SLCO1B3: variants seen among roughly 807,000 people sequenced by gnomAD.
SLCO1B3 encodes the protein solute carrier organic anion transporter family member 1B3.
Under a neutral mutation model 71.8 loss-of-function variants are expected in SLCO1B3, and 72 were observed. The ratio of observed to expected loss-of-function variants is 1.00; its 90% CI spans 0.83 to 1.22. SLCO1B3 has a LOEUF of 1.22. Ranked by LOEUF, SLCO1B3 falls within the 50% of genes most tolerant of loss-of-function variation. The pLI is 0.00. For missense variants in SLCO1B3, 911 were observed against 819.7 expected (o/e 1.11, Z -1.36); for synonymous variants, 298 against 278.4 (o/e 1.07, Z -0.70).
intron 15 of SLCO1B3, among the ~76,000 whole-genome samples, chr12:20,913,437 C>G (rs1866426477): frequency 6.6e-6 from 1 of 152,130 alleles, no homozygotes; most frequent in Admixed American, 6.5e-5. Context: ...CTATCATTTT[C>G]TCCTCACATA....
At chr12:20,819,061 G>A (rs1156411078) in intron 3 of SLCO1B3, among the ~76,000 whole-genome samples, 1 of 151,248 alleles carries the variant, frequency 6.6e-6, no homozygotes, top group African/African-American at 2.4e-5. Context: ...TTGTGATTTT[G>A]AGGGCCTCTA....
chr12:20,860,707 A>T (rs2417942), intron 5 of SLCO1B3, among the ~76,000 whole-genome samples: 15,769 of 150,656 alleles, frequency 0.1, 1,162 homozygotes, highest in Middle Eastern at 0.22. Flanking sequence ...CATAGTTAAC[A>T]GATAAAAAAA....
intron 3 of SLCO1B3, among the ~76,000 whole-genome samples, chr12:20,831,399 T>C (rs1864539248): frequency 7.0e-6 from 1 of 142,622 alleles, no homozygotes; most frequent in Non-Finnish European, 1.5e-5. Context: ...AATGTTTGAA[T>C]AAGGTTAACA....
chr12:20,900,643 T>A (rs938130490), intron 14 of SLCO1B3, among the ~76,000 whole-genome samples: 1 of 152,140 alleles, frequency 6.6e-6, no homozygotes, highest in Non-Finnish European at 1.5e-5. Context: ...AAACAAAATT[T>A]AGCAACGGAG....
intron 3 of SLCO1B3, among the ~76,000 whole-genome samples, chr12:20,844,856 C>T (rs1864880612): frequency 1.3e-5 from 2 of 151,886 alleles, no homozygotes; most frequent in African/African-American, 4.8e-5. Context: ...ATGGTGAAAC[C>T]ACATCTCTAT....
intron 1 of SLCO1B3, among the ~76,000 whole-genome samples, chr12:20,813,162 ATT>A (rs1485856388): frequency 6.6e-6 from 1 of 152,126 alleles, no homozygotes; most frequent in Non-Finnish European, 1.5e-5. Flanking sequence ...TCAGATATTG[ATT>A]TTTCCATATT....
At chr12:20,909,252 G>A (rs766502270) in intron 15 of SLCO1B3, among the ~76,000 whole-genome samples, 1 of 145,648 alleles carries the variant, frequency 6.9e-6, no homozygotes, top group Non-Finnish European at 1.5e-5. Context: ...TGCAAGCTAC[G>A]CCTCCCAGGT....
At chr12:20,819,182 G>A (rs1864246175) in intron 3 of SLCO1B3, among the ~76,000 whole-genome samples, 1 of 152,174 alleles carries the variant, frequency 6.6e-6, no homozygotes, top group African/African-American at 2.4e-5. Context: ...TGGCTCTTGT[G>A]TAAGAATTCT....
intron 9 of SLCO1B3, among the ~76,000 whole-genome samples, chr12:20,877,338 GA>G (rs908478369): frequency 3.3e-5 from 5 of 151,700 alleles, no homozygotes; most frequent in East Asian, 3.9e-4. Context: ...CCTATAGTCA[GA>G]AAAAAAATTA....
At chr12:20,812,501 G>A (rs1404509162) in intron 1 of SLCO1B3, among the ~76,000 whole-genome samples, 3 of 152,156 alleles carry the variant, frequency 2.0e-5, no homozygotes, top group Non-Finnish European at 4.4e-5. Flanking sequence ...TCCAGGAATG[G>A]AAGACATATA....
At chr12:20,913,581 T>C (rs1399400071) in intron 15 of SLCO1B3, among the ~76,000 whole-genome samples, 1 of 152,206 alleles carries the variant, frequency 6.6e-6, no homozygotes, top group Non-Finnish European at 1.5e-5. Flanking sequence ...CTTTGAAGTC[T>C]GCTCTGTTTG....
intron 13 of SLCO1B3, among the ~76,000 whole-genome samples, chr12:20,885,758 A>G (rs1865782500): frequency 6.6e-6 from 1 of 151,958 alleles, no homozygotes; most frequent in Non-Finnish European, 1.5e-5. Flanking sequence ...AAAGAGAGGT[A>G]CGAAGTACAA....
Position 20,879,554 on chromosome 12 carries a change from C to T in SLCO1B3, c.1254C>T (p.Ser418=), listed in dbSNP as rs773121199. ...TTTCATTTCTTACTTCGATGATATC[C>T]TTCTTGTTTCAACTTCTATATTTCC... The part of the protein sequence containing the change: ...AKFSFLTSMI[S]FLFQLLYFPL... Residue 418 remains serine, a synonymous_variant, in exon 11 of 16, where the codon TCC becomes TCT. Coordinates refer to ENST00000381545, the MANE Select transcript of SLCO1B3 (RefSeq NM_019844.4). 6.8e-6 allele frequency: 11 copies of T among 1,612,452 alleles called. No homozygotes were observed. The highest frequency in any genetic ancestry group is 1.1e-5 in the South Asian group (1 of 90,972).
chr12:20,843,475 C>T (rs1399607193), intron 3 of SLCO1B3, among the ~76,000 whole-genome samples: 2 of 152,118 alleles, frequency 1.3e-5, no homozygotes, highest in African/African-American at 4.8e-5. Context: ...TTAATGTTCT[C>T]TTACCTCAAT....
intron 5 of SLCO1B3, among the ~76,000 whole-genome samples, chr12:20,860,430 A>G (rs903743695): frequency 4.6e-5 from 7 of 152,096 alleles, no homozygotes; most frequent in Admixed American, 3.3e-4. Flanking sequence ...AGTTGAGCAA[A>G]ATGCCTGGCA....
chr12:20,826,175 G>T (rs1040340017), intron 3 of SLCO1B3, among the ~76,000 whole-genome samples: 1 of 152,028 alleles, frequency 6.6e-6, no homozygotes, highest in Non-Finnish European at 1.5e-5. Context: ...TTAAAGCCAA[G>T]AGCACAGAGG....
chr12:20,905,621 G>A (rs1301657503), intron 15 of SLCO1B3, among the ~76,000 whole-genome samples: 1 of 152,100 alleles, frequency 6.6e-6, no homozygotes, highest in Non-Finnish European at 1.5e-5. Context: ...GGGACAAAAT[G>A]CCACCAGTCT....
At chr12:20,849,997 A>G (rs1415741494) in intron 3 of SLCO1B3, among the ~76,000 whole-genome samples, 2 of 149,828 alleles carry the variant, frequency 1.3e-5, no homozygotes, top group Non-Finnish European at 3.0e-5. Flanking sequence ...ATTTCTCTGC[A>G]GATTTACCGC....
intron 2 of SLCO1B3, among the ~76,000 whole-genome samples, chr12:20,815,467 C>G (rs763838410): frequency 2.0e-5 from 3 of 151,946 alleles, no homozygotes; most frequent in Non-Finnish European, 4.4e-5. Context: ...TTTTTCTAAG[C>G]AAATTATAAT....
Sources: gnomAD v4.1 joint callset for allele counts (sites outside exome capture counted in the v4.1 genomes callset) on GRCh38, gnomAD v4.1.1 for gene constraint, MANE v1.5 for transcripts, NCBI Gene and HGNC (gene_info 2026-07-23, HGNC 2026-07-21) for gene names.